Variants in ERCC1 observed in about 807,000 individuals in gnomAD.
ERCC1 encodes the protein DNA excision repair protein ERCC-1.
ERCC1 carries 36 observed loss-of-function variants against 37.6 expected under a neutral mutation model. The observed-to-expected ratio is 0.96, with a 90% CI of 0.73 to 1.26. The LOEUF (loss-of-function observed/expected upper bound fraction) is 1.26, where lower values mean the gene tolerates loss of function less well. Ranked by LOEUF, ERCC1 falls within the 50% of genes most tolerant of loss-of-function variation. The probability of loss-of-function intolerance (pLI) is 0.00; values close to 1 mark genes in which losing one functional copy is unlikely to be tolerated. For synonymous variants in ERCC1, 156 were observed against 162.1 expected (o/e 0.96, Z 0.28); for missense variants, 349 against 376.5 (o/e 0.93, Z 0.60).
intron 9 of ERCC1, chr19:45,413,301 CTG>C: frequency 2.0e-6 from 1 of 499,630 alleles, no homozygotes; most frequent in Non-Finnish European, 3.6e-6. Context: ...CAGGATCGCT[CTG>C]TCACCCAGGC....
chr19:45,440,382 A>G (rs1975090057), intron 1 of ERCC1, among the ~76,000 whole-genome samples: 1 of 152,050 alleles, frequency 6.6e-6, no homozygotes, highest in African/African-American at 2.4e-5. Context: ...CTCAAGGCCA[A>G]CCTTTATGGG....
chr19:45,433,914 C>T lies in ERCC1; in HGVS notation c.-7-10533G>A, dbSNP rs927240375. Among the ~76,000 whole-genome samples, 13 of 151,538 alleles carry T rather than the reference C, an allele frequency of 8.6e-5. No homozygotes were observed. The South Asian group carries it at 2.7e-3, about 32-fold the overall frequency. On this transcript the variant is annotated intron_variant, in intron 1 of 8. Coordinates refer to the ERCC1 transcript ENST00000423698. ...TTGGGAGGCCAAGGTGGGTGGATCACGTGAGGTCAGGAGTTCGAGACCATC... is the reference window on the plus strand; with the variant it reads ...TTGGGAGGCCAAGGTGGGTGGATCATGTGAGGTCAGGAGTTCGAGACCATC...
chr19:45,412,683 G>A (rs573258694), intron 9 of ERCC1, among the ~76,000 whole-genome samples: 2 of 150,726 alleles, frequency 1.3e-5, no homozygotes, highest in East Asian at 1.9e-4. Flanking sequence ...CTCCCATCCT[G>A]TGTGTTGTCT....
At chr19:45,434,731 G>A (rs1461527593) in intron 1 of ERCC1, among the ~76,000 whole-genome samples, 2 of 151,358 alleles carry the variant, frequency 1.3e-5, no homozygotes, top group Non-Finnish European at 2.9e-5. Context: ...GACTACAGGC[G>A]AACATTGCCA....
At chr19:45,416,613 A>AG (rs1974082460) in intron 6 of ERCC1, 3 of 539,670 alleles carry the variant, frequency 5.6e-6, no homozygotes, top group Non-Finnish European at 9.9e-6. Context: ...ACTTCAGCCT[A>AG]GGGGACAGAG....
Position 45,419,278 on chromosome 19 carries a change from C to G in ERCC1, c.426-81G>C, listed in dbSNP as rs1974255481. The G allele has an allele frequency of 2.1e-5, 21 of 996,416 alleles. No individual in the cohort carries two copies. The East Asian group carries it at 4.4e-4, about 21-fold the overall frequency. The allele number at this position is 996,416 out of a possible 1,614,324, so 61.7% of individuals were successfully genotyped here. ...AGCCCTTTTCCCTCTCACTGGAATA[C>G]TAAGGGCTCAGAGTACGGCATGGGG... On this transcript the variant is annotated intron_variant, in intron 4 of 9. Coordinates refer to ENST00000300853, the MANE Select transcript of ERCC1 (RefSeq NM_001983.4).
intron 2 of ERCC1, among the ~76,000 whole-genome samples, chr19:45,422,981 C>G (rs1222571329): frequency 6.6e-6 from 1 of 152,140 alleles, no homozygotes; most frequent in Admixed American, 6.5e-5. Context: ...TTCTTAAACA[C>G]GAGCAATAAA....
chr19:45,407,383 G>T lies in ERCC1; in HGVS notation c.*2292C>A. 2.9e-6 allele frequency: 2 copies of T among 696,140 alleles called. No individual in the cohort carries two copies. The highest frequency in any genetic ancestry group is 4.7e-6 in the Non-Finnish European group (2 of 429,776). 43.1% of individuals were successfully genotyped at this position (696,140 alleles called of 1,614,324 possible). A position where few individuals can be genotyped will look rare whatever the true frequency, so the allele number is the denominator to read the frequency against. On this transcript the variant is annotated 3_prime_UTR_variant, in exon 10 of 10. Transcript: ENST00000300853. ...GGAAACTACTCCTTTACAGAGTAGA[G>T]TGTCCTCAGAAAGCAGGGGGAGAAA...
At chr19:45,416,348 C>G (rs996727199) in intron 6 of ERCC1, 6 of 173,738 alleles carry the variant, frequency 3.5e-5, no homozygotes, top group Admixed American at 2.2e-4. Flanking sequence ...AGAAGCCAAC[C>G]TCATGAAATG....
At chr19:45,431,106 C>T (rs1309972949) in intron 1 of ERCC1, among the ~76,000 whole-genome samples, 1 of 152,134 alleles carries the variant, frequency 6.6e-6, no homozygotes, top group Non-Finnish European at 1.5e-5. Flanking sequence ...TCATGCACCA[C>T]CATGCCCGGC....
rs77326243 is a variant in ERCC1 at position 45,440,357 on chromosome 19, C to G, written c.-7-16976G>C. ...ATCTCCTGTCGTCCTGAATCTGCCC[C>G]TTACCATCTCTGTCCTCAAGGCCAA... On this transcript the variant is annotated intron_variant, in intron 1 of 8. Transcript: ENST00000423698. Among the ~76,000 whole-genome samples, 146 of 152,286 alleles carry G rather than the reference C, an allele frequency of 9.6e-4. 3 individuals carry two copies. The East Asian group carries it at 0.027, about 28-fold the overall frequency.
At chr19:45,430,054 G>A (rs1974795094) in intron 1 of ERCC1, among the ~76,000 whole-genome samples, 1 of 152,140 alleles carries the variant, frequency 6.6e-6, no homozygotes, top group Non-Finnish European at 1.5e-5. Flanking sequence ...AAAGTGATGG[G>A]ATTACAGGCA....
intron 1 of ERCC1, among the ~76,000 whole-genome samples, chr19:45,447,736 A>G (rs1303112421): frequency 6.6e-5 from 10 of 151,614 alleles, no homozygotes; most frequent in African/African-American, 2.4e-4. Flanking sequence ...TTTCCATAGG[A>G]CCTCACCTAT....
At chr19:45,425,687 G>C (rs926347453), upstream of ERCC1, among the ~76,000 whole-genome samples, 1 of 152,090 alleles carries the variant, frequency 6.6e-6, no homozygotes, top group African/African-American at 2.4e-5. Context: ...ATTTTTGAAA[G>C]TGCACCGAGG....
chr19:45,413,276 G>A lies in ERCC1; in HGVS notation c.843+401C>T, dbSNP rs988064316. Among the ~76,000 whole-genome samples, 9 of 152,110 alleles carry A rather than the reference G, an allele frequency of 5.9e-5. No homozygotes were observed. In the Middle Eastern group the frequency reaches 0.01, roughly 172 times the overall value. ...TAGTTTCATTCTTCCTCATTGGATT[G>A]CTTCTGCTTTGAGACAGGATCGCTC... On this transcript the variant is annotated intron_variant, in intron 9 of 9. Coordinates refer to ENST00000300853, the MANE Select transcript of ERCC1 (RefSeq NM_001983.4).
At chr19:45,446,973 G>C (rs1377696934) in intron 1 of ERCC1, among the ~76,000 whole-genome samples, 1 of 152,096 alleles carries the variant, frequency 6.6e-6, no homozygotes, top group African/African-American at 2.4e-5. Context: ...ACTCCAGCCT[G>C]GGTGACAGGG....
intron 1 of ERCC1, among the ~76,000 whole-genome samples, chr19:45,435,577 C>G (rs924384554): frequency 6.6e-6 from 1 of 152,190 alleles, no homozygotes; most frequent in Non-Finnish European, 1.5e-5. Context: ...AACCTCCTAC[C>G]TCAGCCTCAC....
intron 1 of ERCC1, among the ~76,000 whole-genome samples, chr19:45,451,243 C>T (rs1967112517): frequency 6.6e-6 from 1 of 152,190 alleles, no homozygotes; most frequent in Non-Finnish European, 1.5e-5. Context: ...CAGCGCCTCC[C>T]GCGCTGTGGC....
intron 9 of ERCC1, among the ~76,000 whole-genome samples, chr19:45,411,768 T>C (rs921963601): frequency 6.6e-6 from 1 of 151,808 alleles, no homozygotes. Context: ...CACTCCAGCC[T>C]GGGCAACAGA....
Sources: gnomAD v4.1 joint callset for allele counts (sites outside exome capture counted in the v4.1 genomes callset) on GRCh38, gnomAD v4.1.1 for gene constraint, MANE v1.5 for transcripts, NCBI Gene and HGNC (gene_info 2026-07-23, HGNC 2026-07-21) for gene names.